Variants in RNF13 observed in about 807,000 individuals in gnomAD.
The protein encoded by RNF13 is E3 ubiquitin-protein ligase RNF13.
A neutral mutation model predicts 37.7 loss-of-function variants in RNF13; 19 were observed. That is an observed-to-expected ratio of 0.50 (90% CI 0.35 to 0.74). The LOEUF (loss-of-function observed/expected upper bound fraction) is 0.74, where lower values mean the gene tolerates loss of function less well. RNF13 is among the 30% of genes least tolerant of loss of function. The pLI is 0.01. For synonymous variants in RNF13, 144 were observed against 157.8 expected (o/e 0.91, Z 0.65); for missense variants, 375 against 453.0 (o/e 0.83, Z 1.56).
At chr3:149,887,311 C>G (rs1197188099) in intron 4 of RNF13, among the ~76,000 whole-genome samples, 2 of 152,174 alleles carry the variant, frequency 1.3e-5, no homozygotes, top group Admixed American at 1.3e-4. Context: ...TAAGGAAACA[C>G]AAGACTTGAG....
intron 8 of RNF13, among the ~76,000 whole-genome samples, chr3:149,952,172 T>C (rs1200731928): frequency 6.6e-6 from 1 of 152,196 alleles, no homozygotes; most frequent in Non-Finnish European, 1.5e-5. Flanking sequence ...AAAATATCCA[T>C]TTATATTTCT....
chr3:149,912,074 C>G lies in RNF13; in HGVS notation c.597C>G (p.Val199=). The part of the protein sequence containing the change: ...IIVGICLILI[V]IFMITKFVQD... ...TGGGCATCTGTCTCATCTTGATAGTCATTTTCATGGTAGGTACATTAACTT... is the reference window on the plus strand; with the variant it reads ...TGGGCATCTGTCTCATCTTGATAGTGATTTTCATGGTAGGTACATTAACTT... Residue 199 remains valine, a synonymous_variant, in exon 7 of 10, where the codon GTC becomes GTG. Coordinates refer to ENST00000392894, the MANE Select transcript of RNF13 (RefSeq NM_183381.3). The G allele has an allele frequency of 6.7e-7, 1 of 1,489,134 alleles. No individual in the cohort carries two copies. Among genetic ancestry groups the G allele is most frequent in the Non-Finnish European group, 9.4e-7 (1 of 1,069,488 alleles). 92.2% of individuals were successfully genotyped at this position (1,489,134 alleles called of 1,614,324 possible). A position where few individuals can be genotyped will look rare whatever the true frequency, so the allele number is the denominator to read the frequency against.
intron 4 of RNF13, among the ~76,000 whole-genome samples, chr3:149,883,856 C>T (rs555269145): frequency 3.9e-5 from 6 of 152,258 alleles, no homozygotes; most frequent in African/African-American, 1.4e-4. Context: ...CTCTCTCTCC[C>T]CCGACCCTCC....
chr3:149,944,142 T>A (rs1040559985), intron 8 of RNF13, among the ~76,000 whole-genome samples: 2 of 152,226 alleles, frequency 1.3e-5, no homozygotes, highest in African/African-American at 4.8e-5. Flanking sequence ...ACAAAGGACA[T>A]GAACTTATCC....
At chr3:149,929,174 T>C (rs1718938299) in intron 8 of RNF13, among the ~76,000 whole-genome samples, 1 of 152,208 alleles carries the variant, frequency 6.6e-6, no homozygotes, top group South Asian at 2.1e-4. Context: ...AAGGTTTTAA[T>C]TGACTCACAG....
At chr3:149,941,053 T>A (rs1020177516) in intron 8 of RNF13, among the ~76,000 whole-genome samples, 7 of 152,238 alleles carry the variant, frequency 4.6e-5, no homozygotes, top group Admixed American at 2.6e-4. Context: ...GATTTCATAA[T>A]ACTACATTTT....
intron 8 of RNF13, among the ~76,000 whole-genome samples, chr3:149,953,275 A>G (rs1230086986): frequency 6.6e-6 from 1 of 152,138 alleles, no homozygotes; most frequent in African/African-American, 2.4e-5. Context: ...CATTTCTCCC[A>G]GAGTTGCTAA....
At position 149,865,018 on chromosome 3, in the gene RNF13, T is replaced by G. The variant is rs1009041645; in HGVS notation, c.196-7011T>G. On this transcript the variant is annotated intron_variant, in intron 3 of 9. Transcript: ENST00000392894. ...TATTAATTTATATGTAAATGAAATT[T>G]TATTTGCAATCAGGTTATTCTGATG... Among the ~76,000 whole-genome samples, 64 of 152,078 alleles carry G rather than the reference T, an allele frequency of 4.2e-4. 1 individual carries two copies. Among genetic ancestry groups the G allele is most frequent in the Non-Finnish European group, 5.9e-5 (4 of 68,002 alleles).
At chr3:149,875,388 A>T (rs180908415) in intron 4 of RNF13, among the ~76,000 whole-genome samples, 2 of 152,120 alleles carry the variant, frequency 1.3e-5, no homozygotes, top group South Asian at 4.1e-4. Context: ...GATTTTTACA[A>T]CTCTTTTAGT....
intron 4 of RNF13, among the ~76,000 whole-genome samples, chr3:149,891,118 CTCTA>C (rs1714649799): frequency 6.6e-6 from 1 of 152,194 alleles, no homozygotes; most frequent in Non-Finnish European, 1.5e-5. Flanking sequence ...CCCCATGCTT[CTCTA>C]TCTAACCTGA....
At chr3:149,954,259 G>T (rs1721635817) in intron 8 of RNF13, among the ~76,000 whole-genome samples, 1 of 151,800 alleles carries the variant, frequency 6.6e-6, no homozygotes, top group African/African-American at 2.4e-5. Context: ...TGAAAACATA[G>T]AGGAAAGTGT....
At chr3:149,833,118 C>CTTTTTTTT (rs34729566) in intron 1 of RNF13, among the ~76,000 whole-genome samples, 2 of 111,904 alleles carry the variant, frequency 1.8e-5, no homozygotes, top group Non-Finnish European at 3.5e-5. Flanking sequence ...CTCTCTCTCT[C>CTTTTTTTT]TTTTTTTTTT....
At chr3:149,834,889 G>T (rs1285241069) in intron 1 of RNF13, among the ~76,000 whole-genome samples, 1 of 152,160 alleles carries the variant, frequency 6.6e-6, no homozygotes, top group Admixed American at 6.6e-5. Flanking sequence ...ATGGACTAAG[G>T]TGTCAAGATC....
intron 1 of RNF13, among the ~76,000 whole-genome samples, chr3:149,836,335 G>A (rs1204291545): frequency 6.6e-6 from 1 of 152,008 alleles, no homozygotes; most frequent in African/African-American, 2.4e-5. Context: ...TGGCCAAAAA[G>A]TACATGAAAA....
chr3:149,942,065 G>A (rs1720339091), intron 8 of RNF13, among the ~76,000 whole-genome samples: 1 of 151,930 alleles, frequency 6.6e-6, no homozygotes, highest in Non-Finnish European at 1.5e-5. Flanking sequence ...TTCCATTGGT[G>A]TATATATATC....
At chr3:149,916,285 T>C (rs539065668) in intron 7 of RNF13, among the ~76,000 whole-genome samples, 2 of 152,332 alleles carry the variant, frequency 1.3e-5, no homozygotes, top group East Asian at 1.9e-4. Flanking sequence ...AATATTCATA[T>C]ACTCAAATAA....
At chr3:149,886,430 A>C (rs1430055259) in intron 4 of RNF13, among the ~76,000 whole-genome samples, 9 of 152,098 alleles carry the variant, frequency 5.9e-5, no homozygotes, top group Admixed American at 2.0e-4. Context: ...CAGTGGATTT[A>C]TGTATATTGA....
At chr3:149,907,360 A>G (rs999158308) in intron 6 of RNF13, among the ~76,000 whole-genome samples, 4 of 152,080 alleles carry the variant, frequency 2.6e-5, no homozygotes, top group African/African-American at 4.8e-5. Flanking sequence ...TTTAAGTAAG[A>G]TTCTGGTTTT....
In RNF13 at chr3:149,960,880, C is replaced by T; in HGVS notation, c.922C>T (p.His308Tyr). 6.2e-7 allele frequency: 1 copy of T among 1,614,166 alleles called. No homozygotes were observed. Among genetic ancestry groups the T allele is most frequent in the Non-Finnish European group, 8.5e-7 (1 of 1,180,022 alleles). ...TCAAGAAGAAAATGAAGTGACAGAA[C>T]ATACCCCTTTACTGAGACCTTTAGC... Reference protein sequence around the residue: ...SSQEENEVTEHTPLLRPLASV... With the variant: ...SSQEENEVTEYTPLLRPLASV... Residue 308 changes from histidine (H) to tyrosine (Y), a missense_variant, in exon 10 of 10, where the codon CAT (histidine) becomes TAT (tyrosine). Transcript: ENST00000392894.
Sources: gnomAD v4.1 joint callset for allele counts (sites outside exome capture counted in the v4.1 genomes callset) on GRCh38, gnomAD v4.1.1 for gene constraint, MANE v1.5 for transcripts, NCBI Gene and HGNC (gene_info 2026-07-23, HGNC 2026-07-21) for gene names.